Variants in CNTNAP4 observed in about 807,000 individuals in gnomAD.
The protein encoded by CNTNAP4 is contactin-associated protein-like 4.
CNTNAP4 carries 98 observed loss-of-function variants against 148.4 expected under a neutral mutation model. The ratio of observed to expected loss-of-function variants is 0.66; its 90% confidence interval spans 0.56 to 0.78. CNTNAP4 has a LOEUF of 0.78. Ranked by LOEUF, CNTNAP4 falls within the 30% of genes least tolerant of loss-of-function variation. The pLI is 0.00. For missense variants in CNTNAP4, 1,935 were observed against 1,565.6 expected, an observed-to-expected ratio of 1.24 and a Z score of -3.98; for synonymous variants, 730 against 565.1, an observed-to-expected ratio of 1.29 and a Z score of -4.14.
intron 15 of CNTNAP4, among the ~76,000 whole-genome samples, chr16:76,507,175 GA>G (rs139373960): frequency 0.19 from 17,901 of 96,494 alleles, 5,296 homozygotes; most frequent in African/African-American, 0.37. Flanking sequence ...TCACATCATG[GA>G]AAATTGGGTA....
At chr16:76,445,534 G>A (rs1056707219) in intron 4 of CNTNAP4, among the ~76,000 whole-genome samples, 2 of 152,088 alleles carry the variant, frequency 1.3e-5, no homozygotes, top group African/African-American at 2.4e-5. Context: ...ATGACAAGTG[G>A]CCTTGGTTTA....
chr16:76,478,155 A>G (rs2081660165), intron 11 of CNTNAP4, among the ~76,000 whole-genome samples: 1 of 152,208 alleles, frequency 6.6e-6, no homozygotes, highest in South Asian at 2.1e-4. Flanking sequence ...CATGTTATAA[A>G]AAGTCAAGCC....
intron 3 of CNTNAP4, among the ~76,000 whole-genome samples, chr16:76,418,414 A>G (rs191801585): frequency 3.3e-5 from 4 of 121,098 alleles, no homozygotes; most frequent in East Asian, 4.4e-4. Flanking sequence ...TATTTTTATT[A>G]TACTTTAAGT....
Position 76,522,211 on chromosome 16 carries a change from C to G in CNTNAP4, c.2709C>G (p.Pro903=), listed in dbSNP as rs111525285. ...TGACACCAAAGACACAGCCCGCCCCCGCTGATGGGCATGTCCTGTTACAGC... is the reference window on the plus strand; with the variant it reads ...TGACACCAAAGACACAGCCCGCCCCGGCTGATGGGCATGTCCTGTTACAGC... ...DQLTPKTQPA[P]ADGHVLLQLN... is the part of the protein sequence containing the mutation. Residue 903 remains proline, a synonymous_variant, in exon 17 of 24, where the codon CCC becomes CCG. Coordinates refer to ENST00000611870, the MANE Select transcript of CNTNAP4 (RefSeq NM_033401.5). 7 of 1,613,802 alleles carry G rather than the reference C, an allele frequency of 4.3e-6. No individual in the cohort carries two copies. Among genetic ancestry groups the G allele is most frequent in the African/African-American group, 2.7e-5 (2 of 74,898 alleles).
chr16:76,333,012 A>G (rs565829771), intron 2 of CNTNAP4, among the ~76,000 whole-genome samples: 1 of 152,290 alleles, frequency 6.6e-6, no homozygotes, highest in African/African-American at 2.4e-5. Flanking sequence ...CCCCTTTCTT[A>G]CACATGTATT....
intron 11 of CNTNAP4, among the ~76,000 whole-genome samples, chr16:76,478,127 T>C (rs913216810): frequency 3.8e-5 from 5 of 130,054 alleles, no homozygotes; most frequent in African/African-American, 1.2e-4. Flanking sequence ...AGTCAAGCCA[T>C]ACACATAAAT....
At chr16:76,378,106 C>T (rs989877678) in intron 3 of CNTNAP4, among the ~76,000 whole-genome samples, 2 of 152,032 alleles carry the variant, frequency 1.3e-5, no homozygotes, top group African/African-American at 4.8e-5. Flanking sequence ...AAGAGAGTTT[C>T]TTTTGTTTAT....
At chr16:76,352,873 C>T (rs1350084604) in intron 2 of CNTNAP4, among the ~76,000 whole-genome samples, 1 of 152,088 alleles carries the variant, frequency 6.6e-6, no homozygotes, top group African/African-American at 2.4e-5. Context: ...AGAACACATT[C>T]CGTATAAATA....
chr16:76,533,410 T>C (rs372534235), intron 17 of CNTNAP4, among the ~76,000 whole-genome samples: 38 of 152,276 alleles, frequency 2.5e-4, no homozygotes, highest in African/African-American at 8.2e-4. Context: ...AAAGTTCTAG[T>C]GTTGTATGCC....
chr16:76,501,940 G>T (rs2082664537), intron 15 of CNTNAP4, among the ~76,000 whole-genome samples: 1 of 151,398 alleles, frequency 6.6e-6, no homozygotes, highest in Admixed American at 6.6e-5. Flanking sequence ...GTAGTGGCGG[G>T]CGCCTGTAGT....
intron 17 of CNTNAP4, among the ~76,000 whole-genome samples, chr16:76,531,736 A>G (rs2083992681): frequency 6.6e-6 from 1 of 152,212 alleles, no homozygotes; most frequent in African/African-American, 2.4e-5. Context: ...TCAAATAGTT[A>G]CATCTGAAAA....
chr16:76,499,434 C>T (rs1025623003), intron 15 of CNTNAP4, among the ~76,000 whole-genome samples: 4 of 152,028 alleles, frequency 2.6e-5, no homozygotes, highest in Admixed American at 2.6e-4. Flanking sequence ...CCTATCACTG[C>T]CCTCAATATG....
chr16:76,527,069 A>C (rs2083767543), intron 17 of CNTNAP4, among the ~76,000 whole-genome samples: 1 of 152,118 alleles, frequency 6.6e-6, no homozygotes, highest in African/African-American at 2.4e-5. Flanking sequence ...CCACAATCCA[A>C]ATTATATACC....
chr16:76,412,670 C>A (rs5017657), intron 3 of CNTNAP4, among the ~76,000 whole-genome samples: 37 of 150,996 alleles, frequency 2.5e-4, no homozygotes, highest in Admixed American at 2.2e-3. Context: ...CATTTAAATA[C>A]TTTTTTCTCT....
At chr16:76,409,146 A>T (rs1196641213) in intron 3 of CNTNAP4, among the ~76,000 whole-genome samples, 1 of 152,024 alleles carries the variant, frequency 6.6e-6, no homozygotes, top group African/African-American at 2.4e-5. Flanking sequence ...AATATCATTT[A>T]AGTGTAAAAT....
chr16:76,315,458 C>A (rs1961616165), intron 1 of CNTNAP4, among the ~76,000 whole-genome samples: 1 of 152,176 alleles, frequency 6.6e-6, no homozygotes, highest in Non-Finnish European at 1.5e-5. Context: ...AGTTTATACT[C>A]CCACGAGCAA....
intron 3 of CNTNAP4, among the ~76,000 whole-genome samples, chr16:76,421,173 T>G (rs2079175373): frequency 6.6e-6 from 1 of 152,062 alleles, no homozygotes; most frequent in Admixed American, 6.6e-5. Flanking sequence ...TGTATCTCCA[T>G]AGATTCTAAT....
At chr16:76,420,246 A>G (rs1049093568) in intron 3 of CNTNAP4, among the ~76,000 whole-genome samples, 4 of 151,974 alleles carry the variant, frequency 2.6e-5, no homozygotes, top group African/African-American at 7.2e-5. Flanking sequence ...TCTGTAGAAT[A>G]TATATTAGAA....
At chr16:76,460,230 C>A (rs142780957) in intron 8 of CNTNAP4, among the ~76,000 whole-genome samples, 1 of 151,970 alleles carries the variant, frequency 6.6e-6, no homozygotes, top group Non-Finnish European at 1.5e-5. Flanking sequence ...GCCTCAGCCT[C>A]CCCAGTAGCT....
Sources: gnomAD v4.1 joint callset for allele counts (sites outside exome capture counted in the v4.1 genomes callset) on GRCh38, gnomAD v4.1.1 for gene constraint, MANE v1.5 for transcripts, NCBI Gene and HGNC (gene_info 2026-07-23, HGNC 2026-07-21) for gene names.